Variants in DGKI observed in about 807,000 individuals in gnomAD.
The protein encoded by DGKI is DAG kinase iota.
In DGKI, 55 loss-of-function variants were observed where a neutral mutation model predicts 147.5. The ratio of observed to expected loss-of-function variants is 0.37; its 90% confidence interval spans 0.30 to 0.47. The LOEUF (loss-of-function observed/expected upper bound fraction) is 0.47, where lower values mean the gene tolerates loss of function less well. Ranked by LOEUF, DGKI falls within the 20% of genes least tolerant of loss-of-function variation. DGKI has a pLI of 1.00. For synonymous variants in DGKI, 469 were observed against 477.1 expected, an observed-to-expected ratio of 0.98 and a Z score of 0.22; for missense variants, 1,007 against 1,323.8, an observed-to-expected ratio of 0.76 and a Z score of 3.71.
At chr7:137,572,070 C>T (rs1033572338) in intron 18 of DGKI, among the ~76,000 whole-genome samples, 1 of 152,168 alleles carries the variant, frequency 6.6e-6, no homozygotes, top group Non-Finnish European at 1.5e-5. Flanking sequence ...GATTTACATA[C>T]AACTCTCATT....
At position 137,485,502 on chromosome 7, in the gene DGKI, C is replaced by T. The variant is rs911591250; in HGVS notation, c.2329-84G>A. ...CACAACTCAATCTCAACTGAACTCC[C>T]AATTTAATATTACTATGCTCATCTG... On this transcript the variant is annotated intron_variant, in intron 22 of 32. Coordinates refer to ENST00000614521, the MANE Select transcript of DGKI (RefSeq NM_001321708.2). 20 of 1,007,260 alleles carry T rather than the reference C, an allele frequency of 2.0e-5. No homozygotes were observed. The South Asian group carries it at 3.0e-4, about 15-fold the overall frequency. The allele number at this position is 1,007,260 out of a possible 1,614,324, so 62.4% of individuals were successfully genotyped here.
intron 1 of DGKI, among the ~76,000 whole-genome samples, chr7:137,776,150 G>A (rs1361380464): frequency 2.6e-5 from 4 of 152,224 alleles, no homozygotes; most frequent in African/African-American, 9.6e-5. Flanking sequence ...GAGCCACCAC[G>A]CCCAGCTAAA....
chr7:137,598,732 G>A (rs998762520), intron 11 of DGKI, among the ~76,000 whole-genome samples: 3 of 151,850 alleles, frequency 2.0e-5, no homozygotes, highest in Non-Finnish European at 4.4e-5. Context: ...TGTTCTTTAC[G>A]GTGACCTCTG....
intron 24 of DGKI, among the ~76,000 whole-genome samples, chr7:137,468,066 T>C (rs1814729115): frequency 6.7e-6 from 1 of 150,254 alleles, no homozygotes; most frequent in South Asian, 2.1e-4. Context: ...CCAAATATTA[T>C]AAATAGATTT....
chr7:137,578,702 G>A (rs550250133), intron 15 of DGKI, among the ~76,000 whole-genome samples: 2 of 152,264 alleles, frequency 1.3e-5, no homozygotes, highest in African/African-American at 2.4e-5. Flanking sequence ...CACTCTAGAT[G>A]CTTTGTAAAA....
chr7:137,403,127 C>T (rs777087824), intron 30 of DGKI, among the ~76,000 whole-genome samples: 13 of 151,982 alleles, frequency 8.6e-5, no homozygotes, highest in South Asian at 2.1e-4. Context: ...AGCTGAAAAG[C>T]GGGAAGCACT....
At chr7:137,842,044 A>G (rs1234422741) in intron 1 of DGKI, among the ~76,000 whole-genome samples, 1 of 152,240 alleles carries the variant, frequency 6.6e-6, no homozygotes, top group Non-Finnish European at 1.5e-5. Flanking sequence ...AGGAAGTAAC[A>G]GTCAGTATGT....
intron 28 of DGKI, among the ~76,000 whole-genome samples, chr7:137,418,297 A>T (rs1422380259): frequency 6.6e-6 from 1 of 152,192 alleles, no homozygotes; most frequent in Non-Finnish European, 1.5e-5. Flanking sequence ...TGCCTTGCAA[A>T]TAAGCTCAAG....
In DGKI at chr7:137,383,489, C is replaced by T. The variant is rs1448356306; in HGVS notation, c.*7731G>A. On this transcript the variant is annotated 3_prime_UTR_variant, in exon 33 of 33. Transcript: ENST00000614521. Reference sequence around the variant, plus strand: ...GAAAAAAATAGGCTCAAATTGAGTTCTGTTCCAGTCTAAAATTATAGACAT... The same window carrying T: ...GAAAAAAATAGGCTCAAATTGAGTTTTGTTCCAGTCTAAAATTATAGACAT... 1.3e-5 allele frequency: 2 copies of T among 151,682 alleles called. No homozygotes were observed. Among genetic ancestry groups the T allele is most frequent in the African/African-American group, 4.8e-5 (2 of 41,328 alleles). 9.4% of individuals were successfully genotyped at this position (151,682 alleles called of 1,614,324 possible).
intron 12 of DGKI, among the ~76,000 whole-genome samples, chr7:137,588,289 C>A (rs1476717063): frequency 6.6e-6 from 1 of 152,018 alleles, no homozygotes; most frequent in Non-Finnish European, 1.5e-5. Flanking sequence ...GACATGTATT[C>A]ATTCTATATT....
At chr7:137,405,821 C>T (rs1350027645) in intron 30 of DGKI, among the ~76,000 whole-genome samples, 1 of 152,152 alleles carries the variant, frequency 6.6e-6, no homozygotes, top group Non-Finnish European at 1.5e-5. Context: ...CCTTCCACAG[C>T]CCTCCCAGCT....
At chr7:137,661,726 ACCACAAAGCCCGGT>A (rs1429585069) in intron 3 of DGKI, among the ~76,000 whole-genome samples, 1 of 152,134 alleles carries the variant, frequency 6.6e-6, no homozygotes, top group Non-Finnish European at 1.5e-5. Flanking sequence ...TCCCTTTTAG[ACCACAAAGCCCGGT>A]CCACAGCAGC....
At chr7:137,505,176 T>C (rs879680494) in intron 21 of DGKI, among the ~76,000 whole-genome samples, 1 of 151,774 alleles carries the variant, frequency 6.6e-6, no homozygotes, top group Non-Finnish European at 1.5e-5. Flanking sequence ...AGAAAACTGA[T>C]CTTAAATTTT....
At chr7:137,520,614 T>C (rs1816928838) in intron 21 of DGKI, among the ~76,000 whole-genome samples, 1 of 152,020 alleles carries the variant, frequency 6.6e-6, no homozygotes, top group Non-Finnish European at 1.5e-5. Flanking sequence ...TTAAAAGATA[T>C]TGATGTCTAA....
chr7:137,405,922 C>T lies in DGKI; in HGVS notation c.2920+1953G>A, dbSNP rs149765642. Reference sequence around the variant, plus strand: ...GCCTCCTAAATGAGACCAAGTGAGACGGTGGATACAGAGAGGATCCTAGGA... The same window carrying T: ...GCCTCCTAAATGAGACCAAGTGAGATGGTGGATACAGAGAGGATCCTAGGA... On this transcript the variant is annotated intron_variant, in intron 30 of 32. Coordinates refer to ENST00000614521, the MANE Select transcript of DGKI (RefSeq NM_001321708.2). Among the ~76,000 whole-genome samples, 3 of 152,112 alleles carry T rather than the reference C, an allele frequency of 2.0e-5. No individual in the cohort carries two copies. The East Asian group carries it at 5.8e-4, about 30-fold the overall frequency.
chr7:137,596,021 A>AAAAAG (rs1819782961), intron 12 of DGKI, among the ~76,000 whole-genome samples: 1 of 148,100 alleles, frequency 6.8e-6, no homozygotes, highest in Non-Finnish European at 1.5e-5. Context: ...AAAAAAAAAA[A>AAAAAG]AAAAAAAAAA....
At chr7:137,574,975 A>G (rs1483248529) in intron 17 of DGKI, among the ~76,000 whole-genome samples, 2 of 152,192 alleles carry the variant, frequency 1.3e-5, no homozygotes, top group Non-Finnish European at 2.9e-5. Context: ...CACTCTCACT[A>G]ACCTTCCATC....
At chr7:137,694,093 G>A (rs1333827077) in intron 1 of DGKI, among the ~76,000 whole-genome samples, 1 of 152,052 alleles carries the variant, frequency 6.6e-6, no homozygotes, top group Non-Finnish European at 1.5e-5. Flanking sequence ...AGGCCGAGGC[G>A]GGCAGATCAC....
intron 21 of DGKI, among the ~76,000 whole-genome samples, chr7:137,516,083 C>T (rs1416530678): frequency 6.6e-6 from 1 of 151,990 alleles, no homozygotes; most frequent in African/African-American, 2.4e-5. Context: ...ACTGAACAGC[C>T]CTGTTGTCAA....
Sources: allele counts gnomAD v4.1 joint callset (sites outside exome capture counted in the v4.1 genomes callset), GRCh38; gene constraint gnomAD v4.1.1; transcripts MANE v1.5; gene names NCBI Gene and HGNC (gene_info 2026-07-23, HGNC 2026-07-21).